The following GABRB2 variants were observed in gnomAD, a reference collection of about 807,000 sequenced individuals.
GABRB2 encodes gamma-aminobutyric acid type A receptor subunit beta2.
A neutral mutation model predicts 54.7 loss-of-function variants in GABRB2; 16 were observed. The observed-to-expected ratio is 0.29, with a 90% CI of 0.20 to 0.44. The LOEUF (loss-of-function observed/expected upper bound fraction) is 0.44. Ranked by LOEUF, GABRB2 falls within the 20% of genes least tolerant of loss-of-function variation. GABRB2 has a pLI of 1.00. For synonymous variants in GABRB2, 244 were observed against 233.8 expected, an observed-to-expected ratio of 1.04 and a Z score of -0.40; for missense variants, 355 against 644.0, an observed-to-expected ratio of 0.55 and a Z score of 4.86.
chr5:161,319,040 A>ATTTTGT (rs1758128281), intron 9 of GABRB2, among the ~76,000 whole-genome samples: 1 of 151,278 alleles, frequency 6.6e-6, no homozygotes, highest in African/African-American at 2.4e-5. Context: ...GTTTGAATAA[A>ATTTTGT]TTGTCGTTGT....
chr5:161,496,016 G>A (rs1759230273), intron 3 of GABRB2, among the ~76,000 whole-genome samples: 1 of 152,110 alleles, frequency 6.6e-6, no homozygotes, highest in Non-Finnish European at 1.5e-5. Context: ...GAAGGTGGAG[G>A]TGTTAAGGAG....
At chr5:161,493,239 G>C (rs1053113081) in intron 3 of GABRB2, among the ~76,000 whole-genome samples, 1 of 151,488 alleles carries the variant, frequency 6.6e-6, no homozygotes, top group Non-Finnish European at 1.5e-5. Context: ...TGAAGCTGAG[G>C]AACATTTCAC....
chr5:161,368,427 T>C (rs931001059), intron 5 of GABRB2, among the ~76,000 whole-genome samples: 19 of 152,178 alleles, frequency 1.2e-4, no homozygotes, highest in Non-Finnish European at 1.6e-4. Context: ...TGCCCAAAGC[T>C]GTATGATGCC....
intron 5 of GABRB2, among the ~76,000 whole-genome samples, chr5:161,376,641 A>G (rs1303567501): frequency 6.6e-6 from 1 of 152,166 alleles, no homozygotes; most frequent in Non-Finnish European, 1.5e-5. Flanking sequence ...TTAATTGAAT[A>G]TAAATTTATA....
At chr5:161,467,487 A>G (rs1233114008) in intron 3 of GABRB2, among the ~76,000 whole-genome samples, 1 of 152,088 alleles carries the variant, frequency 6.6e-6, no homozygotes, top group Non-Finnish European at 1.5e-5. Context: ...TATTTAATTT[A>G]AATGTAATAC....
intron 8 of GABRB2, among the ~76,000 whole-genome samples, chr5:161,327,627 G>A (rs956060190): frequency 2.0e-5 from 3 of 152,018 alleles, no homozygotes; most frequent in Admixed American, 2.0e-4. Flanking sequence ...AAAAAAATGC[G>A]GTAGCATCTG....
At chr5:161,337,091 T>C (rs181011951) in intron 5 of GABRB2, among the ~76,000 whole-genome samples, 2 of 152,262 alleles carry the variant, frequency 1.3e-5, no homozygotes, top group East Asian at 3.9e-4. Flanking sequence ...ATAGGTGTAG[T>C]TGGGACTTAA....
intron 3 of GABRB2, among the ~76,000 whole-genome samples, chr5:161,541,866 C>A (rs924892928): frequency 6.6e-6 from 1 of 152,352 alleles, no homozygotes; most frequent in South Asian, 2.1e-4. Context: ...TCCTCCTTTG[C>A]ATTCAAAACT....
intron 4 of GABRB2, among the ~76,000 whole-genome samples, chr5:161,411,970 C>A (rs986668869): frequency 2.6e-5 from 4 of 151,880 alleles, no homozygotes; most frequent in Non-Finnish European, 5.9e-5. Flanking sequence ...CATAGTAGAC[C>A]CTTTAAAAAT....
chr5:161,354,117 A>G (rs1754547659), intron 5 of GABRB2, among the ~76,000 whole-genome samples: 1 of 152,162 alleles, frequency 6.6e-6, no homozygotes, highest in African/African-American at 2.4e-5. Context: ...GTGTCCTCAG[A>G]TTTTATTGGG....
At chr5:161,520,235 C>T (rs1228629120) in intron 3 of GABRB2, among the ~76,000 whole-genome samples, 2 of 152,086 alleles carry the variant, frequency 1.3e-5, no homozygotes, top group African/African-American at 4.8e-5. Context: ...AGGTTAAGCG[C>T]TGTAGCTTAT....
intron 4 of GABRB2, among the ~76,000 whole-genome samples, chr5:161,429,399 T>C (rs1002438936): frequency 3.1e-5 from 4 of 130,112 alleles, no homozygotes; most frequent in Non-Finnish European, 5.0e-5. Flanking sequence ...AGGAAAATGA[T>C]TGGAAGCTGA....
At chr5:161,541,604 T>C (rs1760819357) in intron 3 of GABRB2, among the ~76,000 whole-genome samples, 2 of 152,246 alleles carry the variant, frequency 1.3e-5, no homozygotes, top group Admixed American at 6.5e-5. Flanking sequence ...GAAGACAGCT[T>C]GTTTCCATAA....
At position 161,289,001 on chromosome 5, in the gene GABRB2, C is replaced by T. The variant is rs1014640387; in HGVS notation, c.*5080G>A. 5.3e-5 allele frequency: 8 copies of T among 152,018 alleles called. No homozygotes were observed. The highest frequency in any genetic ancestry group is 2.1e-4 in the South Asian group (1 of 4,824). The allele number at this position is 152,018 out of a possible 1,614,324, so 9.4% of individuals were successfully genotyped here. On this transcript the variant is annotated 3_prime_UTR_variant, in exon 10 of 10. Coordinates refer to ENST00000393959, the MANE Select transcript of GABRB2 (RefSeq NM_001371727.1). ...GGAACTGTCAACTTGCTTCAAATGGCGCAAGGACACACACATGGGCATCAG... is the reference window on the plus strand; with the variant it reads ...GGAACTGTCAACTTGCTTCAAATGGTGCAAGGACACACACATGGGCATCAG...
At chr5:161,504,673 G>A (rs1759548815) in intron 3 of GABRB2, among the ~76,000 whole-genome samples, 1 of 146,334 alleles carries the variant, frequency 6.8e-6, no homozygotes, top group Admixed American at 6.9e-5. Context: ...AGCACAAACT[G>A]GAAAGAAGGA....
At chr5:161,373,913 C>T (rs1755206805) in intron 5 of GABRB2, among the ~76,000 whole-genome samples, 3 of 150,134 alleles carry the variant, frequency 2.0e-5, no homozygotes, top group Admixed American at 6.7e-5. Flanking sequence ...TCAGTCTTCT[C>T]GTCTTCTTTA....
At chr5:161,456,190 T>G (rs1055344591) in intron 4 of GABRB2, among the ~76,000 whole-genome samples, 1 of 152,196 alleles carries the variant, frequency 6.6e-6, no homozygotes, top group African/African-American at 2.4e-5. Flanking sequence ...GCTTCCCATA[T>G]CCACATCTTC....
intron 5 of GABRB2, among the ~76,000 whole-genome samples, chr5:161,362,649 C>A (rs1015747777): frequency 1.3e-5 from 2 of 152,206 alleles, no homozygotes; most frequent in South Asian, 4.2e-4. Flanking sequence ...GGGCTAATAT[C>A]CAGAATCTAC....
chr5:161,546,106 T>C (rs2113489470), intron 2 of GABRB2, among the ~76,000 whole-genome samples: 1 of 152,320 alleles, frequency 6.6e-6, no homozygotes, highest in East Asian at 1.9e-4. Flanking sequence ...GTCACCAAAT[T>C]TGAGTACACA....
Sources: gnomAD v4.1 joint callset for allele counts (sites outside exome capture counted in the v4.1 genomes callset) on GRCh38, gnomAD v4.1.1 for gene constraint, MANE v1.5 for transcripts, NCBI Gene and HGNC (gene_info 2026-07-23, HGNC 2026-07-21) for gene names.